EIF4ENIF1: variants seen among roughly 807,000 people sequenced by gnomAD.
The protein encoded by EIF4ENIF1 is eukaryotic translation initiation factor 4E nuclear import factor 1.
In EIF4ENIF1, 23 loss-of-function variants were observed where a neutral mutation model predicts 110.5. That is an observed-to-expected ratio of 0.21 (90% CI 0.15 to 0.29). The LOEUF is 0.29. EIF4ENIF1 is among the 10% of genes least tolerant of loss of function. EIF4ENIF1 has a pLI of 1.00. For synonymous variants in EIF4ENIF1, 440 were observed against 437.0 expected, an observed-to-expected ratio of 1.01 and a Z score of -0.09; for missense variants, 1,031 against 1,221.1, an observed-to-expected ratio of 0.84 and a Z score of 2.32.
At chr22:31,469,218 A>C (rs2051284672) in intron 3 of EIF4ENIF1, among the ~76,000 whole-genome samples, 1 of 152,158 alleles carries the variant, frequency 6.6e-6, no homozygotes, top group Non-Finnish European at 1.5e-5. Context: ...CACTACTGGG[A>C]ACATCCTGGA....
In EIF4ENIF1 at chr22:31,463,007, A is replaced by C; in HGVS notation, c.712T>G (p.Phe238Val). The change falls in exon 6 of 19, where the codon TTT becomes GTT. Residue 238 changes from phenylalanine to valine, a missense_variant. By Grantham distance (50) the Phe-to-Val change is conservative. Around this residue, in one of 3 missense-constraint regions of EIF4ENIF1, gnomAD observed 704 missense variants for 879.7 expected, o/e 0.80. Coordinates refer to ENST00000330125, the MANE Select transcript of EIF4ENIF1 (RefSeq NM_019843.4). The stretch of plus-strand genomic sequence containing the variant: ...TCTTCTTCTAGTATCTTATCATCAA[A>C]GCCAGTCAGTTCGATGGTTTCAGAC... ...SQSETIELTG[F>V]DDKILEEDHK... 1 of 1,614,170 alleles carries C rather than the reference A, an allele frequency of 6.2e-7. No homozygotes were observed. Among genetic ancestry groups the C allele is most frequent in the Non-Finnish European group, 8.5e-7 (1 of 1,180,034 alleles).
At chr22:31,462,909 T>TCC in intron 6 of EIF4ENIF1, 23 bp downstream of exon 6, 1 of 1,611,064 alleles carries the variant, frequency 6.2e-7, no homozygotes, top group Non-Finnish European at 8.5e-7. Flanking sequence ...ACAGCGAACT[T>TCC]CCCTCCCAAA....
intron 9 of EIF4ENIF1, 44 bp downstream of exon 9, chr22:31,455,092 T>C: frequency 1.3e-6 from 2 of 1,534,928 alleles, no homozygotes; most frequent in South Asian, 1.3e-5. Flanking sequence ...ACTGAACATC[T>C]AGACCTTTTC....
At chr22:31,443,806 C>CT (rs386395221) in intron 15 of EIF4ENIF1, among the ~76,000 whole-genome samples, 31,891 of 129,144 alleles carry the variant, frequency 0.25, 5,416 homozygotes, top group East Asian at 0.77. Flanking sequence ...GGGAATGAAC[C>CT]TTTTTTTTTT....
At chr22:31,443,302 G>GGGA in intron 15 of EIF4ENIF1, 2 of 606,800 alleles carry the variant, frequency 3.3e-6, no homozygotes, top group Non-Finnish European at 5.4e-6. Flanking sequence ...GCTTACAACT[G>GGGA]TGTGATAATG....
intron 2 of EIF4ENIF1, among the ~76,000 whole-genome samples, chr22:31,483,104 G>C (rs982136345): frequency 1.2e-4 from 18 of 149,482 alleles, no homozygotes; most frequent in Non-Finnish European, 4.4e-5. Context: ...ATTTCAAGCA[G>C]AAGATGGCAT....
intron 3 of EIF4ENIF1, 101 bp downstream of exon 3, chr22:31,471,743 T>C: frequency 9.5e-7 from 1 of 1,047,778 alleles, no homozygotes; most frequent in East Asian, 2.5e-5. Context: ...CTTATAATTC[T>C]ACCAGAAAAC....
At chr22:31,466,302 A>T (rs570864995) in intron 4 of EIF4ENIF1, among the ~76,000 whole-genome samples, 1 of 152,222 alleles carries the variant, frequency 6.6e-6, no homozygotes, top group East Asian at 1.9e-4. Context: ...AATCCCAGCT[A>T]CTTGGGAGGC....
chr22:31,482,700 A>C (rs1317360776), intron 2 of EIF4ENIF1, among the ~76,000 whole-genome samples: 1 of 149,688 alleles, frequency 6.7e-6, no homozygotes, highest in Non-Finnish European at 1.5e-5. Flanking sequence ...ACAAAAAAAA[A>C]CAGATTAGTC....
intron 17 of EIF4ENIF1, among the ~76,000 whole-genome samples, chr22:31,441,522 AGAGT>A (rs1390198999): frequency 6.8e-6 from 1 of 147,314 alleles, no homozygotes; most frequent in African/African-American, 2.5e-5. Flanking sequence ...CCAGGCAGAC[AGAGT>A]GAGACTTCTG....
chr22:31,480,772 G>C (rs974951922), intron 2 of EIF4ENIF1, among the ~76,000 whole-genome samples: 2 of 151,776 alleles, frequency 1.3e-5, no homozygotes, highest in African/African-American at 4.8e-5. Context: ...AAACAAAACC[G>C]AACAGGCAGG....
chr22:31,478,821 A>T (rs1484052200), intron 2 of EIF4ENIF1, among the ~76,000 whole-genome samples: 1 of 151,530 alleles, frequency 6.6e-6, no homozygotes, highest in Non-Finnish European at 1.5e-5. Flanking sequence ...GCGTGGTGGC[A>T]GGTGCCTGTA....
chr22:31,437,212 C>A (rs1403203249), downstream of EIF4ENIF1: 1 of 152,206 alleles, frequency 6.6e-6, no homozygotes, highest in Non-Finnish European at 1.5e-5. Context: ...CCCTGCTTAA[C>A]AGATTTTCCA....
chr22:31,470,273 T>G (rs1336328169), intron 3 of EIF4ENIF1, among the ~76,000 whole-genome samples: 1 of 151,946 alleles, frequency 6.6e-6, no homozygotes, highest in African/African-American at 2.4e-5. Context: ...TCCAGGTTTT[T>G]TTGTTGTTGT....
Position 31,455,892 on chromosome 22 carries a change from A to G in EIF4ENIF1, c.1059T>C (p.Ser353=). Reference sequence around the variant, plus strand: ...GCTCTTCATGTGGTGTTGACCCAAGACTGCTGGATCGGCTTCCTGATCTGC... The same window carrying G: ...GCTCTTCATGTGGTGTTGACCCAAGGCTGCTGGATCGGCTTCCTGATCTGC... ...NPSRSGSRSS[S]LGSTPHEELE... The change falls in exon 8 of 19, where the codon AGT becomes AGC. Residue 353 remains serine, a synonymous_variant. Coordinates refer to ENST00000330125, the MANE Select transcript of EIF4ENIF1 (RefSeq NM_019843.4). 1 of 1,614,150 alleles carries G rather than the reference A, an allele frequency of 6.2e-7. No homozygotes were observed. Among genetic ancestry groups the G allele is most frequent in the Non-Finnish European group, 8.5e-7 (1 of 1,180,018 alleles).
At chr22:31,469,660 C>T (rs113029551) in intron 3 of EIF4ENIF1, among the ~76,000 whole-genome samples, 5 of 152,274 alleles carry the variant, frequency 3.3e-5, no homozygotes, top group African/African-American at 9.6e-5. Context: ...GTCTCTGCTT[C>T]AGAAATAAAA....
chr22:31,452,331 G>A (rs1393686311), intron 10 of EIF4ENIF1, among the ~76,000 whole-genome samples: 1 of 152,188 alleles, frequency 6.6e-6, no homozygotes, highest in Non-Finnish European at 1.5e-5. Context: ...TACTTTCCTT[G>A]TTGTATTCTT....
upstream of EIF4ENIF1, among the ~76,000 whole-genome samples, chr22:31,492,560 CTG>C (rs1455527969): frequency 6.6e-6 from 1 of 152,172 alleles, no homozygotes; most frequent in African/African-American, 2.4e-5. Context: ...AAGTCTCACT[CTG>C]TCCTTATAGA....
chr22:31,476,096 T>C (rs953112250), intron 2 of EIF4ENIF1, among the ~76,000 whole-genome samples: 14 of 152,168 alleles, frequency 9.2e-5, no homozygotes, highest in Non-Finnish European at 1.8e-4. Flanking sequence ...GAAATACTTA[T>C]ACATAATGCT....
Sources: gnomAD v4.1 joint callset for allele counts (sites outside exome capture counted in the v4.1 genomes callset) on GRCh38, gnomAD v4.1.1 for gene constraint, gnomAD v4.1.1 regional missense constraint, MANE v1.5 for transcripts, NCBI Gene and HGNC (gene_info 2026-07-23, HGNC 2026-07-21) for gene names.